The following SH3RF3 variants were observed in gnomAD, a reference collection of about 807,000 sequenced individuals.
SH3RF3 encodes E3 ubiquitin-protein ligase SH3RF3.
Under a neutral mutation model 66.3 loss-of-function variants are expected in SH3RF3, and 29 were observed. The ratio of observed to expected loss-of-function variants is 0.44; its 90% CI spans 0.33 to 0.60. The LOEUF is 0.60. SH3RF3 is among the 20% of genes least tolerant of loss of function. SH3RF3 has a pLI of 0.04. For synonymous variants in SH3RF3, 583 were observed against 532.0 expected (o/e 1.10, Z -1.32); for missense variants, 1,194 against 1,190.9 (o/e 1.00, Z -0.04).
At chr2:109,353,025 T>C (rs1682873250) in intron 2 of SH3RF3, among the ~76,000 whole-genome samples, 1 of 152,260 alleles carries the variant, frequency 6.6e-6, no homozygotes, top group Non-Finnish European at 1.5e-5. Context: ...CCGCTGCAGC[T>C]GCCCCACCTG....
intron 1 of SH3RF3, among the ~76,000 whole-genome samples, chr2:109,294,599 A>T (rs1681264144): frequency 6.6e-6 from 1 of 151,920 alleles, no homozygotes; most frequent in African/African-American, 2.4e-5. Flanking sequence ...TAAAAAAAAA[A>T]AAAAGAATTG....
intron 1 of SH3RF3, among the ~76,000 whole-genome samples, chr2:109,245,138 G>T (rs12994116): frequency 6.6e-6 from 1 of 152,116 alleles, no homozygotes; most frequent in Non-Finnish European, 1.5e-5. Flanking sequence ...ACCATCTCAC[G>T]GGAAGCTCCC....
At chr2:109,244,283 A>G (rs962897737) in intron 1 of SH3RF3, among the ~76,000 whole-genome samples, 1 of 152,236 alleles carries the variant, frequency 6.6e-6, no homozygotes, top group African/African-American at 2.4e-5. Context: ...AGCATTATGC[A>G]ACAGCTTCTT....
At chr2:109,199,597 T>TCATTCC (rs1558953918) in intron 1 of SH3RF3, among the ~76,000 whole-genome samples, 1 of 274 alleles carries the variant, frequency 3.6e-3, no homozygotes, top group Non-Finnish European at 6.8e-3. Context: ...TGGAATGGAA[T>TCATTCC]GGAATGGAAT....
intron 8 of SH3RF3, among the ~76,000 whole-genome samples, chr2:109,456,658 C>G (rs1236659827): frequency 6.6e-6 from 1 of 152,200 alleles, no homozygotes; most frequent in Non-Finnish European, 1.5e-5. Context: ...TCCGTGGCCT[C>G]TGCATTGGGA....
intron 6 of SH3RF3, 59 bp from the exon 7 acceptor site, chr2:109,436,834 C>T: frequency 3.2e-6 from 5 of 1,571,376 alleles, no homozygotes; most frequent in South Asian, 1.2e-5. Flanking sequence ...GCCAGAGGCC[C>T]ACATGGCACG....
intron 1 of SH3RF3, among the ~76,000 whole-genome samples, chr2:109,142,468 C>G (rs1186443568): frequency 6.6e-6 from 1 of 152,232 alleles, no homozygotes; most frequent in South Asian, 2.1e-4. Context: ...CCCCAGCACC[C>G]ACACAGGCAC....
chr2:109,230,578 AAAAAAT>A (rs1679483559), intron 1 of SH3RF3, among the ~76,000 whole-genome samples: 1 of 152,178 alleles, frequency 6.6e-6, no homozygotes, highest in Non-Finnish European at 1.5e-5. Flanking sequence ...AGATCATCTT[AAAAAAT>A]AAAAATAGGA....
At chr2:109,417,102 T>C (rs1676746420) in intron 4 of SH3RF3, among the ~76,000 whole-genome samples, 1 of 152,096 alleles carries the variant, frequency 6.6e-6, no homozygotes, top group African/African-American at 2.4e-5. Context: ...GGTGAGTGAA[T>C]GACCCTAAGA....
chr2:109,403,495 G>A (rs61570085), intron 4 of SH3RF3, among the ~76,000 whole-genome samples: 19,219 of 152,248 alleles, frequency 0.13, 1,417 homozygotes, highest in East Asian at 0.29. Context: ...GCCTTCCAGG[G>A]CCCCACTCTT....
chr2:109,475,334 C>G (rs73953129), intron 8 of SH3RF3, among the ~76,000 whole-genome samples: 6,251 of 152,300 alleles, frequency 0.041, 386 homozygotes, highest in African/African-American at 0.13. Context: ...CAAATGGATT[C>G]TTCATTTCTC....
In SH3RF3 at chr2:109,219,427, C is replaced by T. The variant is rs566089817; in HGVS notation, c.573+89314C>T. On this transcript the variant is annotated intron_variant, in intron 1 of 9. Transcript: ENST00000309415. Reference sequence around the variant, plus strand: ...AGGAGGAAGAACAGCCATTTTTATCCGACATAGAATTGGAAGCTCTAGACA... The same window carrying T: ...AGGAGGAAGAACAGCCATTTTTATCTGACATAGAATTGGAAGCTCTAGACA... Among the ~76,000 whole-genome samples the T allele has an allele frequency of 2.8e-4, 43 of 151,834 alleles. No individual in the cohort carries two copies. The South Asian group carries it at 9.0e-3, about 32-fold the overall frequency.
At chr2:109,441,697 T>C (rs548178395) in intron 7 of SH3RF3, among the ~76,000 whole-genome samples, 2 of 152,296 alleles carry the variant, frequency 1.3e-5, no homozygotes, top group East Asian at 3.9e-4. Flanking sequence ...TCAAAGACAG[T>C]TGGTGAACAC....
intron 8 of SH3RF3, among the ~76,000 whole-genome samples, chr2:109,489,141 T>G (rs1679059721): frequency 6.6e-6 from 1 of 152,204 alleles, no homozygotes; most frequent in South Asian, 2.1e-4. Context: ...CACACCTTCA[T>G]TATATCTCTT....
At chr2:109,200,403 C>A (rs921377267) in intron 1 of SH3RF3, among the ~76,000 whole-genome samples, 2 of 152,182 alleles carry the variant, frequency 1.3e-5, no homozygotes, top group Non-Finnish European at 2.9e-5. Context: ...GTCTTTCTCT[C>A]TTTCCCTCCA....
chr2:109,129,593 C>T lies in SH3RF3; in HGVS notation c.53C>T (p.Ala18Val), dbSNP rs1237629897. 4.7e-6 allele frequency: 7 copies of T among 1,483,530 alleles called. No individual in the cohort carries two copies. The African/African-American group carries it at 5.9e-5, about 12-fold the overall frequency. The allele number at this position is 1,483,530 out of a possible 1,614,324, so 91.9% of individuals were successfully genotyped here. ...LCASKAAAAAAQSEGDEDRPG... is the reference protein window; with the variant it reads ...LCASKAAAAAVQSEGDEDRPG... ...GCATCCAAGGCGGCCGCCGCTGCTG[C>T]GCAGAGCGAGGGCGACGAGGACAGG... The change falls in exon 1 of 10, where the codon GCG (alanine) becomes GTG (valine). Residue 18 changes from alanine to valine, a missense_variant. By Grantham distance (64) the Ala-to-Val change is moderately conservative (BLOSUM62 0). Coordinates refer to ENST00000309415, the MANE Select transcript of SH3RF3 (RefSeq NM_001099289.3).
At chr2:109,145,810 A>G (rs1252184886) in intron 1 of SH3RF3, among the ~76,000 whole-genome samples, 4 of 152,172 alleles carry the variant, frequency 2.6e-5, no homozygotes, top group African/African-American at 9.7e-5. Flanking sequence ...TCAGGGGTGT[A>G]GTGGCCAGTG....
intron 7 of SH3RF3, among the ~76,000 whole-genome samples, chr2:109,446,511 G>A (rs944563988): frequency 3.9e-5 from 6 of 152,192 alleles, no homozygotes; most frequent in African/African-American, 1.4e-4. Context: ...GCAGGAGCAG[G>A]GGAGGCTGAG....
At position 109,301,335 on chromosome 2, in the gene SH3RF3, C is replaced by CGTGT. The variant is rs10611024; in HGVS notation, c.574-46324_574-46321dup. Among the ~76,000 whole-genome samples the CGTGT allele has an allele frequency of 1.1e-4, 14 of 132,110 alleles. No individual in the cohort carries two copies. In the South Asian group the frequency reaches 2.5e-3, roughly 23 times the overall value. 86.7% of individuals were successfully genotyped at this position (132,110 alleles called of 152,430 possible). On this transcript the variant is annotated intron_variant, in intron 1 of 9. Transcript: ENST00000309415. The stretch of plus-strand genomic sequence containing the variant: ...GGGGGCGGGCTGTGTATCTGTGTGA[C>CGTGT]GTGTGTGTGTGTGTGTGTTTGTGTA...
Sources: allele counts gnomAD v4.1 joint callset (sites outside exome capture counted in the v4.1 genomes callset), GRCh38; gene constraint gnomAD v4.1.1; transcripts MANE v1.5; gene names NCBI Gene and HGNC (gene_info 2026-07-23, HGNC 2026-07-21).